STPG4: variants seen among roughly 807,000 people sequenced by gnomAD.
STPG4 encodes sperm-tail PG-rich repeat containing 4, also known as protein STPG4.
STPG4 carries 41 observed loss-of-function variants against 31.5 expected under a neutral mutation model. The observed-to-expected ratio is 1.30, with a 90% confidence interval of 1.01 to 1.69. STPG4 has a LOEUF of 1.69. Among genes scored for constraint, STPG4 ranks in the 40% most tolerant of loss-of-function variants. STPG4 has a pLI of 0.00. For missense variants in STPG4, 375 were observed against 293.4 expected (o/e 1.28, Z -2.03); for synonymous variants, 141 against 103.0 (o/e 1.37, Z -2.24).
At chr2:47,123,333 T>A (rs539289809) in intron 5 of STPG4, among the ~76,000 whole-genome samples, 4 of 152,336 alleles carry the variant, frequency 2.6e-5, no homozygotes, top group Admixed American at 2.6e-4. Flanking sequence ...TACCATGATC[T>A]ATTGAATATC....
At chr2:47,110,107 A>G (rs1417613977) in intron 5 of STPG4, among the ~76,000 whole-genome samples, 2 of 152,178 alleles carry the variant, frequency 1.3e-5, no homozygotes, top group Non-Finnish European at 2.9e-5. Context: ...TTCACTATAT[A>G]TACAACTAAG....
intron 5 of STPG4, chr2:47,108,663 G>C (rs1021919147): frequency 1.3e-5 from 2 of 153,182 alleles, no homozygotes; most frequent in Non-Finnish European, 2.9e-5. Context: ...TAGTAGGTAG[G>C]TGTTGTCCCG....
intron 3 of STPG4, among the ~76,000 whole-genome samples, chr2:47,130,572 G>A (rs1002994655): frequency 3.9e-5 from 6 of 152,144 alleles, no homozygotes; most frequent in Non-Finnish European, 7.3e-5. Context: ...CTGGAGTGCA[G>A]TGGCGTGATT....
chr2:47,150,692 C>T (rs1388459654), intron 3 of STPG4, among the ~76,000 whole-genome samples: 3 of 150,972 alleles, frequency 2.0e-5, no homozygotes, highest in Non-Finnish European at 4.4e-5. Flanking sequence ...GTTATATTGC[C>T]CGGGCTGATC....
intron 5 of STPG4, among the ~76,000 whole-genome samples, chr2:47,118,667 G>A (rs1686200331): frequency 6.6e-6 from 1 of 152,128 alleles, no homozygotes; most frequent in South Asian, 2.1e-4. Flanking sequence ...ACTAAGCCCT[G>A]ACTCTATCTC....
chr2:47,109,471 C>T (rs1685993722), intron 5 of STPG4, among the ~76,000 whole-genome samples: 1 of 150,546 alleles, frequency 6.6e-6, no homozygotes, highest in African/African-American at 2.4e-5. Context: ...GCTGGAGAAT[C>T]ACTTGAACCT....
Position 47,106,820 on chromosome 2 carries a change from G to A in STPG4, c.520-16446C>T, listed in dbSNP as rs902731200. On this transcript the variant is annotated intron_variant, in intron 5 of 6. Coordinates refer to ENST00000445927, the MANE Select transcript of STPG4 (RefSeq NM_001163561.2). ...TTGCTGTTACTAGCCTTTGGGCCCT[G>A]TATTTTTAAACTTCTTATCAAATTT... 6.3e-4 allele frequency among the ~76,000 whole-genome samples: 96 copies of A among 152,104 alleles called. 1 individual carries two copies. Among genetic ancestry groups the A allele is most frequent in the African/African-American group, 2.2e-3 (91 of 41,394 alleles).
intron 5 of STPG4, among the ~76,000 whole-genome samples, chr2:47,112,931 G>A (rs969885185): frequency 1.3e-5 from 2 of 148,574 alleles, no homozygotes; most frequent in Admixed American, 6.7e-5. Context: ...GGTGGAGCCT[G>A]CAGTGAGCCA....
rs751754090 is a variant in STPG4, at chr2:47,096,852, A to C, written c.520-6478T>G. Reference sequence around the variant, plus strand: ...AAAATCCCAATATACGAATTAAGGAACCACCACCACCACAGCAACCAAAAA... The same window carrying C: ...AAAATCCCAATATACGAATTAAGGACCCACCACCACCACAGCAACCAAAAA... On this transcript the variant is annotated intron_variant, in intron 5 of 6. Coordinates refer to ENST00000445927, the MANE Select transcript of STPG4 (RefSeq NM_001163561.2). Among the ~76,000 whole-genome samples the C allele has an allele frequency of 2.8e-4, 43 of 152,254 alleles. No individual in the cohort carries two copies. The East Asian group carries it at 6.4e-3, about 23-fold the overall frequency.
chr2:47,103,496 C>T (rs1286830077), intron 5 of STPG4, among the ~76,000 whole-genome samples: 4 of 151,966 alleles, frequency 2.6e-5, no homozygotes, highest in African/African-American at 4.8e-5. Context: ...AAAGGAAAAG[C>T]GAGATCAGAG....
At chr2:47,095,923 C>T (rs1685661048) in intron 5 of STPG4, among the ~76,000 whole-genome samples, 1 of 152,106 alleles carries the variant, frequency 6.6e-6, no homozygotes, top group Non-Finnish European at 1.5e-5. Flanking sequence ...CCACTGGGCC[C>T]CTGTTCCCTA....
intron 5 of STPG4, among the ~76,000 whole-genome samples, chr2:47,102,112 C>T (rs552719295): frequency 4.0e-5 from 6 of 151,796 alleles, no homozygotes; most frequent in South Asian, 2.1e-4. Context: ...GCTGCTGCGT[C>T]GGTGAGCCCA....
At chr2:47,123,328 T>C (rs1686310414) in intron 5 of STPG4, among the ~76,000 whole-genome samples, 1 of 152,230 alleles carries the variant, frequency 6.6e-6, no homozygotes, top group African/African-American at 2.4e-5. Context: ...GTTAATACCA[T>C]GATCTATTGA....
intron 5 of STPG4, among the ~76,000 whole-genome samples, chr2:47,116,648 C>T (rs886139781): frequency 6.6e-6 from 1 of 152,180 alleles, no homozygotes; most frequent in Non-Finnish European, 1.5e-5. Flanking sequence ...TTCTTTCTCT[C>T]AGATACCCTA....
intron 1 of STPG4, among the ~76,000 whole-genome samples, chr2:47,153,570 T>C (rs1214881210): frequency 6.6e-6 from 1 of 152,222 alleles, no homozygotes; most frequent in African/African-American, 2.4e-5. Flanking sequence ...CTGGCCAACA[T>C]GTTGAAACCC....
intron 5 of STPG4, among the ~76,000 whole-genome samples, chr2:47,100,583 C>T (rs1233676652): frequency 1.3e-5 from 2 of 150,910 alleles, no homozygotes; most frequent in East Asian, 3.9e-4. Context: ...CTCGAGTCCC[C>T]TTCCACACTG....
intron 5 of STPG4, among the ~76,000 whole-genome samples, chr2:47,098,306 A>C (rs1287088638): frequency 6.6e-6 from 1 of 152,150 alleles, no homozygotes; most frequent in Non-Finnish European, 1.5e-5. Flanking sequence ...ACTTCACAGC[A>C]TTCTTTCATA....
At chr2:47,129,850 G>C (rs1446595807) in intron 5 of STPG4, 91 bp downstream of exon 5, 2 of 1,534,056 alleles carry the variant, frequency 1.3e-6, no homozygotes, top group East Asian at 4.5e-5. Flanking sequence ...TCACTGGAGG[G>C]TTCTATGTGG....
chr2:47,151,604 A>C, intron 2 of STPG4, 89 bp from the exon 3 acceptor site: 3 of 1,056,522 alleles, frequency 2.8e-6, no homozygotes, highest in Non-Finnish European at 4.2e-6. Context: ...CCCAAGTAAC[A>C]TCTCTCTTTG....
Sources: gnomAD v4.1 joint callset for allele counts (sites outside exome capture counted in the v4.1 genomes callset) on GRCh38, gnomAD v4.1.1 for gene constraint, MANE v1.5 for transcripts, NCBI Gene and HGNC (gene_info 2026-07-23, HGNC 2026-07-21) for gene names.